Variants in TNS3 observed in about 807,000 individuals in gnomAD.
TNS3 encodes the protein tensin-3.
Under a neutral mutation model 140.9 loss-of-function variants are expected in TNS3, and 45 were observed. That is an observed-to-expected ratio of 0.32 (90% CI 0.25 to 0.41). The LOEUF (loss-of-function observed/expected upper bound fraction) is 0.41, where lower values mean the gene tolerates loss of function less well. Ranked by LOEUF, TNS3 falls within the 10% of genes least tolerant of loss-of-function variation. The probability of loss-of-function intolerance (pLI) is 1.00; values close to 1 mark genes in which losing one functional copy is unlikely to be tolerated. For synonymous variants in TNS3, 815 were observed against 788.4 expected (o/e 1.03, Z -0.56); for missense variants, 1,716 against 1,906.7 (o/e 0.90, Z 1.86).
chr7:47,291,836 C>T (rs2150608785), intron 27 of TNS3, 119 bp downstream of exon 27: 2 of 1,138,238 alleles, frequency 1.8e-6, no homozygotes, highest in East Asian at 2.6e-5. Flanking sequence ...AAGGAAACCT[C>T]CTTCAAGGCT....
chr7:47,549,932 C>T (rs1800018524), intron 1 of TNS3, among the ~76,000 whole-genome samples: 1 of 147,586 alleles, frequency 6.8e-6, no homozygotes, highest in Non-Finnish European at 1.5e-5. Context: ...TCCCCGCCCT[C>T]CCACCCCATC....
At chr7:47,546,802 A>G (rs1799932099) in intron 1 of TNS3, among the ~76,000 whole-genome samples, 1 of 152,156 alleles carries the variant, frequency 6.6e-6, no homozygotes. Flanking sequence ...CACTCATACT[A>G]TAAACTACGC....
intron 4 of TNS3, among the ~76,000 whole-genome samples, chr7:47,470,924 A>C (rs1584729942): frequency 6.6e-6 from 1 of 151,552 alleles, no homozygotes; most frequent in South Asian, 2.1e-4. Flanking sequence ...TGTGAGGCTC[A>C]CATTGACGGG....
chr7:47,459,227 G>A (rs929752094), intron 4 of TNS3, among the ~76,000 whole-genome samples: 1 of 152,122 alleles, frequency 6.6e-6, no homozygotes, highest in African/African-American at 2.4e-5. Context: ...GCTGCCTCGG[G>A]ATAAACACCC....
chr7:47,488,117 A>G lies in TNS3; in HGVS notation c.-114-6976T>C, dbSNP rs140434917. Among the ~76,000 whole-genome samples, 132 of 152,350 alleles carry G rather than the reference A, an allele frequency of 8.7e-4. 1 individual carries two copies. The highest frequency in any genetic ancestry group is 2.9e-3 in the African/African-American group (121 of 41,584). The stretch of plus-strand genomic sequence containing the variant: ...TTATACCACAGCTTTGACTTCTTAC[A>G]TTGTATGTTACTGATCAATAAACTA... On this transcript the variant is annotated intron_variant, in intron 3 of 30. Coordinates refer to ENST00000311160, the MANE Select transcript of TNS3 (RefSeq NM_022748.12).
Position 47,275,752 on chromosome 7 carries a change from G to A in TNS3, c.*2324C>T, listed in dbSNP as rs563644602. 101 of 452,918 alleles carry A rather than the reference G, an allele frequency of 2.2e-4. 1 individual carries two copies. Among genetic ancestry groups the A allele is most frequent in the Admixed American group, 1.8e-3 (77 of 42,480 alleles). The allele number at this position is 452,918 out of a possible 1,614,324, so 28.1% of individuals were successfully genotyped here. On this transcript the variant is annotated 3_prime_UTR_variant, in exon 31 of 31. Transcript: ENST00000311160. ...GCTATCTGCTTGGAGCAAATTCCCC[G>A]ATGCCCTTGACCACGTTTACCTTGT... is the stretch of plus-strand genomic sequence containing the variant.
At chr7:47,309,995 T>C (rs1323792180) in intron 20 of TNS3, among the ~76,000 whole-genome samples, 1 of 152,218 alleles carries the variant, frequency 6.6e-6, no homozygotes, top group Non-Finnish European at 1.5e-5. Flanking sequence ...ATGGCCATTT[T>C]TCCTTCTCAG....
At chr7:47,544,480 G>A (rs1260471465) in intron 1 of TNS3, among the ~76,000 whole-genome samples, 4 of 152,032 alleles carry the variant, frequency 2.6e-5, no homozygotes, top group African/African-American at 9.7e-5. Context: ...GCATGAATGG[G>A]GTTAATGCCT....
At chr7:47,546,108 G>C (rs1799913434) in intron 1 of TNS3, among the ~76,000 whole-genome samples, 1 of 152,304 alleles carries the variant, frequency 6.6e-6, no homozygotes. Context: ...GTGGTCCAGA[G>C]AGCTGCGGCG....
intron 1 of TNS3, among the ~76,000 whole-genome samples, chr7:47,559,495 T>C (rs1800279088): frequency 6.6e-6 from 1 of 152,196 alleles, no homozygotes; most frequent in Non-Finnish European, 1.5e-5. Flanking sequence ...TTCCAAGAAC[T>C]TTCTGGTGCA....
intron 16 of TNS3, among the ~76,000 whole-genome samples, chr7:47,379,538 T>C (rs1383370903): frequency 6.6e-6 from 1 of 152,240 alleles, no homozygotes; most frequent in Non-Finnish European, 1.5e-5. Flanking sequence ...TCAGATACTC[T>C]ATGATTTTGA....
chr7:47,278,464 C>A, intron 30 of TNS3: 1 of 497,170 alleles, frequency 2.0e-6, no homozygotes, highest in Non-Finnish European at 3.6e-6. Flanking sequence ...GGTGAGTGCC[C>A]TGTCCACAGC....
chr7:47,550,545 T>G (rs1049077225), intron 1 of TNS3, among the ~76,000 whole-genome samples: 6 of 152,238 alleles, frequency 3.9e-5, no homozygotes, highest in African/African-American at 1.4e-4. Context: ...CAAAGACACA[T>G]TTGCAGCAGG....
intron 3 of TNS3, among the ~76,000 whole-genome samples, chr7:47,489,527 G>T (rs1797734100): frequency 6.6e-6 from 1 of 152,224 alleles, no homozygotes; most frequent in Non-Finnish European, 1.5e-5. Flanking sequence ...CTGTGTAGCT[G>T]TTTAACATTG....
chr7:47,453,209 C>T (rs942211285), intron 4 of TNS3: 2 of 985,456 alleles, frequency 2.0e-6, no homozygotes, highest in African/African-American at 3.5e-5. Context: ...GGACAATGTC[C>T]GCCCGGGGCT....
At chr7:47,466,798 T>G (rs150845026) in intron 4 of TNS3, among the ~76,000 whole-genome samples, 65 of 152,354 alleles carry the variant, frequency 4.3e-4, no homozygotes, top group African/African-American at 1.5e-3. Context: ...AAGGGCACTA[T>G]GTTAACCCTA....
intron 16 of TNS3, among the ~76,000 whole-genome samples, chr7:47,374,994 G>A (rs988483866): frequency 3.9e-4 from 59 of 152,242 alleles, no homozygotes; most frequent in African/African-American, 1.4e-3. Flanking sequence ...GAGGTGGTGG[G>A]GTAAGGACAG....
At chr7:47,572,273 C>T (rs112301614) in intron 1 of TNS3, among the ~76,000 whole-genome samples, 8,541 of 152,248 alleles carry the variant, frequency 0.056, 802 homozygotes, top group African/African-American at 0.19. Context: ...AGGGTGACAC[C>T]CAGAGACCGG....
Position 47,433,034 on chromosome 7 carries a change from A to C in TNS3, c.324+2248T>G, listed in dbSNP as rs569090499. 6.6e-5 allele frequency among the ~76,000 whole-genome samples: 10 copies of C among 152,296 alleles called. No homozygotes were observed. In the East Asian group the frequency reaches 1.9e-3, roughly 29 times the overall value. ...AACTGCAGGCCATTTCTGGTCAGTC[A>C]ATAACCAGGGTGTGGAGGGGTGAGG... is the stretch of plus-strand genomic sequence containing the variant. On this transcript the variant is annotated intron_variant, in intron 8 of 30. Coordinates refer to ENST00000311160, the MANE Select transcript of TNS3 (RefSeq NM_022748.12).
Sources: gnomAD v4.1 joint callset for allele counts (sites outside exome capture counted in the v4.1 genomes callset) on GRCh38, gnomAD v4.1.1 for gene constraint, MANE v1.5 for transcripts, NCBI Gene and HGNC (gene_info 2026-07-23, HGNC 2026-07-21) for gene names.